ZBTB17: variants seen among roughly 807,000 people sequenced by gnomAD.
ZBTB17 encodes the protein zinc finger and BTB domain containing 17, also known as zinc finger and BTB domain-containing protein 17.
Under a neutral mutation model 85.1 loss-of-function variants are expected in ZBTB17, and 24 were observed. The ratio of observed to expected loss-of-function variants is 0.28; its 90% CI spans 0.20 to 0.40. ZBTB17 has a LOEUF of 0.40. Ranked by LOEUF, ZBTB17 falls within the 10% of genes least tolerant of loss-of-function variation. The pLI is 1.00. For synonymous variants in ZBTB17, 464 were observed against 460.2 expected (o/e 1.01, Z -0.11); for missense variants, 743 against 1,105.1 (o/e 0.67, Z 4.65).
chr1:15,951,044 ACC>A lies in ZBTB17; in HGVS notation c.-2-2549_-2-2548del, dbSNP rs1353377468. Among the ~76,000 whole-genome samples the A allele has an allele frequency of 2.0e-5, 3 of 152,126 alleles. No homozygotes were observed. Among genetic ancestry groups the A allele is most frequent in the Admixed American group, 6.5e-5 (1 of 15,280 alleles). On this transcript the variant is annotated intron_variant, in intron 2 of 15. Transcript: ENST00000375743. This position sits in a 1 kb window ranked among gnomAD's most constrained non-coding sequence, Gnocchi z 4.1. ...GTGGTGGCCCAGCCCCCCACATACC[ACC>A]ACCCGCCAAGAGAGCAGCTGTGTGC... is the stretch of plus-strand genomic sequence containing the variant.
intron 2 of ZBTB17, chr1:15,970,042 C>T (rs2072589621): frequency 1.2e-5 from 9 of 723,366 alleles, no homozygotes; most frequent in South Asian, 4.4e-5. Context: ...GTATGGCTGC[C>T]GTCATATTTC....
chr1:15,944,390 G>T lies in ZBTB17; in HGVS notation c.1281C>A (p.Phe427Leu). The change falls in exon 9 of 16, where the codon TTC becomes TTA. Residue 427 changes from phenylalanine to leucine, a missense_variant. Phe to Leu is a conservative substitution (Grantham distance 22, BLOSUM62 0). This residue lies in a region of ZBTB17 where 321 missense variants were observed against 615.7 expected (regional missense o/e 0.52). Transcript: ENST00000375743. ...GGCGCATCTTGGAAGTGGGGTCGGA[G>T]AAGGAGCGGCCGCAGTAGTCGCACT... ...PYQCDYCGRS[F>L]SDPTSKMRHL... 6.4e-7 allele frequency: 1 copy of T among 1,561,292 alleles called. No individual in the cohort carries two copies.
intron 2 of ZBTB17, among the ~76,000 whole-genome samples, chr1:15,960,902 T>C (rs1158020264): frequency 6.6e-6 from 1 of 152,180 alleles, no homozygotes; most frequent in Non-Finnish European, 1.5e-5. Flanking sequence ...AGTGTTAAGA[T>C]GTAATACATG....
intron 2 of ZBTB17, among the ~76,000 whole-genome samples, chr1:15,956,441 C>A (rs1020956945): frequency 3.3e-5 from 5 of 152,182 alleles, no homozygotes; most frequent in Non-Finnish European, 7.3e-5. Context: ...ATTTCCTAGA[C>A]CCTTATGAAA....
Position 15,966,079 on chromosome 1 carries a change from A to T in ZBTB17, c.-3+6960T>A, listed in dbSNP as rs750116481. Among the ~76,000 whole-genome samples, 1 of 152,252 alleles carries T rather than the reference A, an allele frequency of 6.6e-6. No individual in the cohort carries two copies. Among genetic ancestry groups the T allele is most frequent in the Non-Finnish European group, 1.5e-5 (1 of 68,030 alleles). ...TTAACAAAAACGATTTACAAAATTA[A>T]ACAAGTTCTTTCTTACTTTAAATCA... On this transcript the variant is annotated intron_variant, in intron 2 of 15. Transcript: ENST00000375743. The surrounding 1 kb of genome is among the most constrained non-coding windows in gnomAD (Gnocchi z 4.1).
intron 4 of ZBTB17, 70 bp downstream of exon 4, chr1:15,946,865 C>A: frequency 6.6e-7 from 1 of 1,518,674 alleles, no homozygotes; most frequent in South Asian, 1.3e-5. Flanking sequence ...CCCAGAAAGT[C>A]AGAGGCAGAG....
chr1:15,950,831 T>G lies in ZBTB17; in HGVS notation c.-2-2334A>C, dbSNP rs114582727. On this transcript the variant is annotated intron_variant, in intron 2 of 15. Transcript: ENST00000375743. ...AGGGGAGGGACAGGATCAATCCCCT[T>G]GTGTGGGCCCAAGGCTGGGATGAGC... Among the ~76,000 whole-genome samples, 318 of 152,122 alleles carry G rather than the reference T, an allele frequency of 2.1e-3. 1 individual carries two copies. The highest frequency in any genetic ancestry group is 7.1e-3 in the African/African-American group (293 of 41,514).
intron 2 of ZBTB17, chr1:15,969,483 C>T (rs909627060): frequency 5.1e-4 from 124 of 241,312 alleles, no homozygotes; most frequent in African/African-American, 2.6e-3. Context: ...GGCCATGCCA[C>T]GGCTGGTGGT....
In ZBTB17 at chr1:15,945,586, C is replaced by T. The variant is rs987062319; in HGVS notation, c.661+129G>A. ...ATGCGAAGACCAAGGTGTCCCAAAG[C>T]TGAAGTGCATGGTGACTCCAGGTGG... On this transcript the variant is annotated intron_variant, in intron 6 of 15. Transcript: ENST00000375743. 1.1e-5 allele frequency: 15 copies of T among 1,357,138 alleles called. No homozygotes were observed. The Admixed American group carries it at 3.2e-4, about 29-fold the overall frequency. 84.1% of individuals were successfully genotyped at this position (1,357,138 alleles called of 1,614,324 possible).
In ZBTB17 at chr1:15,966,879, A is replaced by G. The variant is rs1027214318; in HGVS notation, c.-3+6160T>C. 6.7e-6 allele frequency among the ~76,000 whole-genome samples: 1 copy of G among 149,912 alleles called. No homozygotes were observed. The highest frequency in any genetic ancestry group is 1.5e-5 in the Non-Finnish European group (1 of 67,202). On this transcript the variant is annotated intron_variant, in intron 2 of 15. Coordinates refer to ENST00000375743, the MANE Select transcript of ZBTB17 (RefSeq NM_003443.3). The surrounding 1 kb of genome is among the most constrained non-coding windows in gnomAD (Gnocchi z 4.1). Reference sequence around the variant, plus strand: ...GCTATAATCCCAGCACTGCACTCCAACCTGGGCGAAAGAGCGAGACCCTGT... The same window carrying G: ...GCTATAATCCCAGCACTGCACTCCAGCCTGGGCGAAAGAGCGAGACCCTGT...
At position 15,945,884 on chromosome 1, in the gene ZBTB17, C is replaced by T. The variant is rs771133659; in HGVS notation, c.536-44G>A. On this transcript the variant is annotated intron_variant, in intron 5 of 15. Transcript: ENST00000375743. ...GGAGGCTGGATTGCTACCCTCTGCC[C>T]AGGGGTCGGATACCTCTCCTGGACC... 4 of 1,569,684 alleles carry T rather than the reference C, an allele frequency of 2.5e-6. No homozygotes were observed. The Admixed American group carries it at 5.1e-5, about 20-fold the overall frequency.
chr1:15,974,208 A>C (rs946243347), intron 1 of ZBTB17, among the ~76,000 whole-genome samples: 3 of 150,876 alleles, frequency 2.0e-5, no homozygotes, highest in African/African-American at 7.3e-5. Flanking sequence ...AAAAACAAAA[A>C]CAAAAACAAA....
chr1:15,965,113 C>CA (rs879579087), intron 2 of ZBTB17, among the ~76,000 whole-genome samples: 1,043 of 61,600 alleles, frequency 0.017, 13 homozygotes, highest in African/African-American at 0.046. Context: ...GACTCCGTAT[C>CA]AAAAAAAAAA....
chr1:15,958,954 G>C (rs2072151169), intron 2 of ZBTB17, among the ~76,000 whole-genome samples: 1 of 152,190 alleles, frequency 6.6e-6, no homozygotes, highest in Admixed American at 6.5e-5. Flanking sequence ...TTGGCAGTCA[G>C]GAGTCACACT....
intron 5 of ZBTB17, 99 bp downstream of exon 5, chr1:15,946,055 G>T (rs774040797): frequency 4.4e-6 from 7 of 1,583,856 alleles, no homozygotes; most frequent in Non-Finnish European, 4.3e-6. Flanking sequence ...AGAGGTGCAG[G>T]TGCCCGTGCT....
intron 2 of ZBTB17, among the ~76,000 whole-genome samples, chr1:15,949,206 C>G (rs1287109717): frequency 6.6e-6 from 1 of 152,218 alleles, no homozygotes; most frequent in African/African-American, 2.4e-5. Context: ...CTGGCCACAA[C>G]TTCTCTGTCA....
In ZBTB17 at chr1:15,942,257, G is replaced by A; in HGVS notation, c.2129-5C>T. 1 of 1,613,248 alleles carries A rather than the reference G, an allele frequency of 6.2e-7. No individual in the cohort carries two copies. Among genetic ancestry groups the A allele is most frequent in the Non-Finnish European group, 8.5e-7 (1 of 1,179,440 alleles). ...AGAGGATGTGAGTGTTGGGGTCTGT[G>A]GAGGTGGGGCAGCAGTCAGAGTGGG... On this transcript the variant is annotated splice_region_variant and splice_polypyrimidine_tract_variant and intron_variant, in intron 15 of 15. Coordinates refer to ENST00000375743, the MANE Select transcript of ZBTB17 (RefSeq NM_003443.3).
rs2071880712 is a variant in ZBTB17 at position 15,952,169 on chromosome 1, T to G, written c.-2-3672A>C. ...AGCCCAGCAGCCCAGAGTCCTCATT[T>G]TAGATGCAGACTGACCTGACCCCCA... On this transcript the variant is annotated intron_variant, in intron 2 of 15. Transcript: ENST00000375743. The surrounding 1 kb of genome is among the most constrained non-coding windows in gnomAD (Gnocchi z 4.3). 6.6e-6 allele frequency among the ~76,000 whole-genome samples: 1 copy of G among 152,188 alleles called. No homozygotes were observed. Among genetic ancestry groups the G allele is most frequent in the Admixed American group, 6.5e-5 (1 of 15,288 alleles).
Position 15,951,369 on chromosome 1 carries a change from C to T in ZBTB17, c.-2-2872G>A, listed in dbSNP as rs963698417. 2.1e-4 allele frequency among the ~76,000 whole-genome samples: 32 copies of T among 152,038 alleles called. No homozygotes were observed. The highest frequency in any genetic ancestry group is 7.0e-4 in the African/African-American group (29 of 41,356). On this transcript the variant is annotated intron_variant, in intron 2 of 15. Transcript: ENST00000375743. This position sits in a 1 kb window ranked among gnomAD's most constrained non-coding sequence, Gnocchi z 4.1. ...CCTGTACCCACAGAGAGATCAGCAG[C>T]AGCTGAAATGCGCTTACCAGTACAA...
Sources: allele counts gnomAD v4.1 joint callset (sites outside exome capture counted in the v4.1 genomes callset), GRCh38; gene constraint gnomAD v4.1.1; regional missense constraint gnomAD v4.1.1; non-coding constraint Gnocchi (gnomAD v3.1); transcripts MANE v1.5; gene names NCBI Gene and HGNC (gene_info 2026-07-23, HGNC 2026-07-21).